Variants in SPINK2 observed in about 807,000 individuals in gnomAD.
SPINK2 encodes serine protease inhibitor Kazal-type 2.
A neutral mutation model predicts 13.5 loss-of-function variants in SPINK2; 8 were observed. The observed-to-expected ratio is 0.59, with a 90% CI of 0.35 to 1.07. The LOEUF (loss-of-function observed/expected upper bound fraction) is 1.07. Ranked by LOEUF, SPINK2 falls within the 50% of genes least tolerant of loss-of-function variation. SPINK2 has a pLI of 0.02. For synonymous variants in SPINK2, 76 were observed against 74.7 expected, an observed-to-expected ratio of 1.02 and a Z score of -0.09; for missense variants, 148 against 180.3, an observed-to-expected ratio of 0.82 and a Z score of 1.03.
At chr4:56,814,757 C>G (rs1223864625) in intron 2 of SPINK2, among the ~76,000 whole-genome samples, 1 of 151,664 alleles carries the variant, frequency 6.6e-6, no homozygotes, top group South Asian at 2.1e-4. Flanking sequence ...GTCAGGAAAT[C>G]GAGACCATCC....
intron 2 of SPINK2, among the ~76,000 whole-genome samples, chr4:56,814,221 C>T (rs999889567): frequency 5.3e-5 from 8 of 151,950 alleles, no homozygotes; most frequent in African/African-American, 9.7e-5. Flanking sequence ...CGCACCCTGC[C>T]GAGACTCCTA....
At chr4:56,813,091 G>T (rs1717130771) in intron 2 of SPINK2, among the ~76,000 whole-genome samples, 1 of 152,214 alleles carries the variant, frequency 6.6e-6, no homozygotes, top group Admixed American at 6.5e-5. Flanking sequence ...GGAGGCTGAG[G>T]CAGGTGGATC....
intron 2 of SPINK2, among the ~76,000 whole-genome samples, chr4:56,812,160 C>T (rs1717040671): frequency 6.6e-6 from 1 of 151,000 alleles, no homozygotes; most frequent in South Asian, 2.1e-4. Flanking sequence ...TCCCAAAGTG[C>T]TAGGATTACA....
At chr4:56,817,853 CAAA>C (rs74266184) in intron 2 of SPINK2, among the ~76,000 whole-genome samples, 2 of 76,308 alleles carry the variant, frequency 2.6e-5, no homozygotes, top group Non-Finnish European at 5.5e-5. Flanking sequence ...AACTCCATCT[CAAA>C]AAAAAAAAAA....
chr4:56,812,352 C>G (rs765060333), intron 2 of SPINK2, among the ~76,000 whole-genome samples: 18 of 151,238 alleles, frequency 1.2e-4, no homozygotes, highest in Non-Finnish European at 2.4e-4. Flanking sequence ...ACTGGGAGTT[C>G]GAGACCAGTC....
chr4:56,811,608 C>T (rs983272002), intron 3 of SPINK2, 77 bp downstream of exon 3: 2 of 962,416 alleles, frequency 2.1e-6, no homozygotes, highest in Non-Finnish European at 3.0e-6. Flanking sequence ...CAGAGTGAGA[C>T]TCTGTCAAAA....
At chr4:56,821,070 G>A (rs1375336751) in intron 1 of SPINK2, among the ~76,000 whole-genome samples, 2 of 152,188 alleles carry the variant, frequency 1.3e-5, no homozygotes, top group East Asian at 3.9e-4. Flanking sequence ...TGGGACTACC[G>A]GCCCAAGCCA....
At chr4:56,816,797 G>A (rs1432074197) in intron 2 of SPINK2, 19 of 150,738 alleles carry the variant, frequency 1.3e-4, no homozygotes, top group Admixed American at 1.2e-3. Flanking sequence ...AGAATCACTT[G>A]AACCTGTGAG....
chr4:56,821,239 G>A lies in SPINK2; in HGVS notation c.205+219C>T, dbSNP rs866506250. ...GTGGTTGGACTAAAGCCCCTTTCTC[G>A]TAAGCATCCACAATTCCTCATTCCT... On this transcript the variant is annotated intron_variant, in intron 1 of 3. Coordinates refer to ENST00000506738, the MANE Select transcript of SPINK2 (RefSeq NM_001271718.2). 12 of 922,392 alleles carry A rather than the reference G, an allele frequency of 1.3e-5. No homozygotes were observed. The Middle Eastern group carries it at 1.7e-3, about 128-fold the overall frequency. 57.1% of individuals were successfully genotyped at this position (922,392 alleles called of 1,614,324 possible). A position where few individuals can be genotyped will look rare whatever the true frequency, so the allele number is the denominator to read the frequency against.
intron 1 of SPINK2, 32 bp from the exon 2 acceptor site, chr4:56,820,611 A>G: frequency 6.5e-7 from 1 of 1,546,980 alleles, no homozygotes; most frequent in Non-Finnish European, 8.9e-7. Flanking sequence ...ATTTTACAGT[A>G]TAGGATCAAG....
In SPINK2 at chr4:56,810,079, A is replaced by C; in HGVS notation, c.*60T>G. 1.3e-6 allele frequency: 2 copies of C among 1,553,548 alleles called. No individual in the cohort carries two copies. Among genetic ancestry groups the C allele is most frequent in the Non-Finnish European group, 1.7e-6 (2 of 1,150,742 alleles). ...AGGAAAAGAGAAAAAGGGGAAATGC[A>C]ATTTATCTAGTCTGCCAGTGAAGGT... On this transcript the variant is annotated 3_prime_UTR_variant, in exon 4 of 4. Transcript: ENST00000506738.
upstream of SPINK2, chr4:56,821,735 G>T (rs886235668): frequency 1.3e-4 from 178 of 1,370,296 alleles, no homozygotes; most frequent in Non-Finnish European, 1.5e-4. Flanking sequence ...CTCGTGCGAC[G>T]GGGCGCGGGG....
intron 2 of SPINK2, among the ~76,000 whole-genome samples, chr4:56,819,928 G>A (rs1163941680): frequency 1.3e-5 from 2 of 152,028 alleles, no homozygotes; most frequent in African/African-American, 4.8e-5. Context: ...AAATGGTTAG[G>A]ATTTGATTAC....
chr4:56,820,654 T>A lies in SPINK2; in HGVS notation c.206-75A>T, dbSNP rs186649192. ...ATTGTTCATGAAGTTTTTTTTTTTT[T>A]TAAATGAAGTCTTGCTATGTTGCCC... On this transcript the variant is annotated intron_variant, in intron 1 of 3. Coordinates refer to ENST00000506738, the MANE Select transcript of SPINK2 (RefSeq NM_001271718.2). 1.4e-4 allele frequency: 190 copies of A among 1,312,966 alleles called. 2 individuals are homozygous for A. The Admixed American group carries it at 1.9e-3, about 13-fold the overall frequency. The allele number at this position is 1,312,966 out of a possible 1,614,324, so 81.3% of individuals were successfully genotyped here.
Position 56,821,668 on chromosome 4 carries a change from T to G in SPINK2, c.-6A>C, listed in dbSNP as rs2109456357. ...CGCAGCACCGACAGCGCCATCCTCC[T>G]CCCGCGCCGGCTGTCTTGCCCCTGC... On this transcript the variant is annotated 5_prime_UTR_variant, in exon 1 of 4. Transcript: ENST00000506738. 1 of 1,524,634 alleles carries G rather than the reference T, an allele frequency of 6.6e-7. No homozygotes were observed. Among genetic ancestry groups the G allele is most frequent in the South Asian group, 1.2e-5 (1 of 82,100 alleles). The allele number at this position is 1,524,634 out of a possible 1,614,324, so 94.4% of individuals were successfully genotyped here. A position where few individuals can be genotyped will look rare whatever the true frequency, so the allele number is the denominator to read the frequency against.
Position 56,821,584 on chromosome 4 carries a change from C to G in SPINK2, c.79G>C (p.Glu27Gln). Residue 27 changes from glutamate to glutamine, a missense_variant, in exon 1 of 4, where the codon GAG (glutamate) becomes CAG (glutamine). Coordinates refer to ENST00000506738, the MANE Select transcript of SPINK2 (RefSeq NM_001271718.2). ...CCGCTTTTCTCCGGAGGTCCCCGCT[C>G]GCCAGGACCGCTCCGAGCGCTACCT... ...FAGSARSGPG[E>Q]RGPPEKSGFG... The G allele has an allele frequency of 1.3e-6, 2 of 1,548,502 alleles. No individual in the cohort carries two copies. The highest frequency in any genetic ancestry group is 1.7e-6 in the Non-Finnish European group (2 of 1,146,876).
In SPINK2 at chr4:56,821,399, A is replaced by G. The variant is rs1033518017; in HGVS notation, c.205+59T>C. The G allele has an allele frequency of 7.2e-5, 104 of 1,450,172 alleles. 1 individual carries two copies. In the South Asian group the frequency reaches 1.3e-3, roughly 19 times the overall value. The allele number at this position is 1,450,172 out of a possible 1,614,324, so 89.8% of individuals were successfully genotyped here. On this transcript the variant is annotated intron_variant, in intron 1 of 3. Transcript: ENST00000506738. ...TGGGAGCGAAGCCCAAGCAAGAACTAAAGAGGGTGGCTGACTCCACAAAGC... is the reference window on the plus strand; with the variant it reads ...TGGGAGCGAAGCCCAAGCAAGAACTGAAGAGGGTGGCTGACTCCACAAAGC...
At position 56,821,694 on chromosome 4, in the gene SPINK2, G is replaced by T. The variant is rs201479082; in HGVS notation, c.-32C>A. On this transcript the variant is annotated 5_prime_UTR_variant, in exon 1 of 4. Coordinates refer to ENST00000506738, the MANE Select transcript of SPINK2 (RefSeq NM_001271718.2). The stretch of plus-strand genomic sequence containing the variant: ...CCCGCGCCGGCTGTCTTGCCCCTGC[G>T]GTCTGTTACCTGCGCCACTCGCAGG... 1.3e-3 allele frequency: 1,904 copies of T among 1,482,484 alleles called. 27 individuals carry two copies. In the African/African-American group the frequency reaches 0.021, roughly 17 times the overall value. 91.8% of individuals were successfully genotyped at this position (1,482,484 alleles called of 1,614,324 possible). A position where few individuals can be genotyped will look rare whatever the true frequency, so the allele number is the denominator to read the frequency against.
intron 2 of SPINK2, among the ~76,000 whole-genome samples, chr4:56,815,069 G>A (rs1160706454): frequency 6.6e-6 from 1 of 151,558 alleles, no homozygotes; most frequent in Admixed American, 6.6e-5. Flanking sequence ...TAGGGGACAA[G>A]GGTGAAACTC....
Sources: allele counts gnomAD v4.1 joint callset (sites outside exome capture counted in the v4.1 genomes callset), GRCh38; gene constraint gnomAD v4.1.1; transcripts MANE v1.5; gene names NCBI Gene and HGNC (gene_info 2026-07-23, HGNC 2026-07-21).